CDH19: variants seen among roughly 807,000 people sequenced by gnomAD.
CDH19 encodes cadherin 19.
CDH19 carries 67 observed loss-of-function variants against 64.2 expected under a neutral mutation model. The observed-to-expected ratio is 1.04, with a 90% CI of 0.86 to 1.28. CDH19 has a LOEUF of 1.28. CDH19 is among the 50% of genes most tolerant of loss of function. The pLI, the probability that CDH19 is intolerant of heterozygous loss-of-function variation, is 0.00. For synonymous variants in CDH19, 346 were observed against 319.3 expected (o/e 1.08, Z -0.89); for missense variants, 1,030 against 929.0 (o/e 1.11, Z -1.41).
chr18:66,568,847 G>A, intron 2 of CDH19, 137 bp from the exon 3 acceptor site: 6 of 659,534 alleles, frequency 9.1e-6, no homozygotes, highest in Non-Finnish European at 1.5e-5. Context: ...ATTAAATGAG[G>A]CAAAATATTA....
At chr18:66,517,687 A>C (rs1203032469) in intron 9 of CDH19, among the ~76,000 whole-genome samples, 1 of 152,042 alleles carries the variant, frequency 6.6e-6, no homozygotes, top group Non-Finnish European at 1.5e-5. Flanking sequence ...ACATCCTTTT[A>C]CCTGCCATTT....
At chr18:66,511,724 A>T (rs1356130192) in intron 9 of CDH19, 39 bp from the exon 10 acceptor site, 4 of 931,460 alleles carry the variant, frequency 4.3e-6, no homozygotes, top group Non-Finnish European at 7.0e-6. Flanking sequence ...TGTTGTTTGG[A>T]TTCAGGAAGA....
chr18:66,526,261 A>G (rs1986216179), intron 9 of CDH19, among the ~76,000 whole-genome samples: 2 of 152,136 alleles, frequency 1.3e-5, no homozygotes, highest in South Asian at 2.1e-4. Flanking sequence ...CATAGTATAC[A>G]TATATGTACA....
intron 1 of CDH19, among the ~76,000 whole-genome samples, chr18:66,580,406 T>G (rs145401596): frequency 6.6e-6 from 1 of 152,208 alleles, no homozygotes; most frequent in East Asian, 1.9e-4. Context: ...AATAATTATA[T>G]AAGTGTTTCA....
In CDH19 at chr18:66,511,749, A is replaced by C. The variant is rs768564661; in HGVS notation, c.1459-64T>G. 9 of 769,680 alleles carry C rather than the reference A, an allele frequency of 1.2e-5. No individual in the cohort carries two copies. The East Asian group carries it at 2.3e-4, about 19-fold the overall frequency. 47.7% of individuals were successfully genotyped at this position (769,680 alleles called of 1,614,324 possible). A position where few individuals can be genotyped will look rare whatever the true frequency, so the allele number is the denominator to read the frequency against. On this transcript the variant is annotated intron_variant, in intron 9 of 11. Transcript: ENST00000262150. ...ATTCAGGAAGAAGATCACTGCTGCT[A>C]TTATTATTAGCTTTTATTCACATTG...
chr18:66,544,864 C>G lies in CDH19; in HGVS notation c.815G>C (p.Gly272Ala). The change falls in exon 6 of 12, where the codon GGG becomes GCG. Residue 272 changes from glycine (G) to alanine (A), a missense_variant. Gly to Ala is a moderately conservative substitution (Grantham distance 60, BLOSUM62 0). Coordinates refer to ENST00000262150, the MANE Select transcript of CDH19 (RefSeq NM_021153.4). ...RLTVSESAPT[G>A]TSIGTIMAYD... is the part of the protein sequence containing the mutation. ...TGCCATGATTGTTCCTATAGAAGTC[C>G]CAGTGGGTGCAGATTCAGAGACAGT... 6.2e-7 allele frequency: 1 copy of G among 1,611,072 alleles called. No individual in the cohort carries two copies. Among genetic ancestry groups the G allele is most frequent in the Non-Finnish European group, 8.5e-7 (1 of 1,178,656 alleles).
In CDH19 at chr18:66,504,922, CTAAGGAGCTCAGGGA is replaced by C; in HGVS notation, c.2194_2208del (p.Ser732_Leu736del). 2 of 1,613,468 alleles carry C rather than the reference CTAAGGAGCTCAGGGA, an allele frequency of 1.2e-6. No individual in the cohort carries two copies. The highest frequency in any genetic ancestry group is 1.7e-6 in the Non-Finnish European group (2 of 1,179,708). On this transcript the variant is annotated inframe_deletion, in exon 12 of 12. Coordinates refer to ENST00000262150, the MANE Select transcript of CDH19 (RefSeq NM_021153.4). The stretch of plus-strand genomic sequence containing the variant: ...TCATCCTGATCAGAGACTGCTGATT[CTAAGGAGCTCAGGGA>C]TCCAGCTAATGACCCTGTTCCCTCA...
At chr18:66,570,632 T>A (rs567474597) in intron 2 of CDH19, among the ~76,000 whole-genome samples, 57 of 151,848 alleles carry the variant, frequency 3.8e-4, no homozygotes, top group African/African-American at 1.3e-3. Flanking sequence ...ATTGTTCTTT[T>A]TGAAATCAGT....
intron 3 of CDH19, among the ~76,000 whole-genome samples, chr18:66,564,822 TTGCTTA>T: frequency 6.6e-6 from 1 of 151,840 alleles, no homozygotes; most frequent in African/African-American, 2.4e-5. Context: ...TTTGGTTTAA[TTGCTTA>T]TTAAGTAGTA....
chr18:66,573,740 A>G (rs748593556), intron 1 of CDH19, among the ~76,000 whole-genome samples: 21 of 151,626 alleles, frequency 1.4e-4, no homozygotes, highest in Non-Finnish European at 2.2e-4. Flanking sequence ...TTTGATACAT[A>G]TAAAGATAAA....
At position 66,503,687 on chromosome 18, in the gene CDH19, T is replaced by A. The variant is rs569720035; in HGVS notation, c.*1125A>T. 1 of 151,922 alleles carries A rather than the reference T, an allele frequency of 6.6e-6. No homozygotes were observed. 9.4% of individuals were successfully genotyped at this position (151,922 alleles called of 1,614,324 possible). On this transcript the variant is annotated 3_prime_UTR_variant, in exon 12 of 12. Transcript: ENST00000262150. ...TGAAAAAAAATCTATGACAAACACCTAAATATATTTTCCTTTTTAATACAA... is the reference window on the plus strand; with the variant it reads ...TGAAAAAAAATCTATGACAAACACCAAAATATATTTTCCTTTTTAATACAA...
At position 66,504,829 on chromosome 18, in the gene CDH19, C is replaced by A; in HGVS notation, c.2302G>T (p.Val768Leu). 6.2e-7 allele frequency: 1 copy of A among 1,603,256 alleles called. No individual in the cohort carries two copies. The highest frequency in any genetic ancestry group is 8.5e-7 in the Non-Finnish European group (1 of 1,171,400). Reference sequence around the variant, plus strand: ...AAAAAGCCCTAATTATTTGACTGCACTGCAGAACCAAACATGCATGCTAAT... The same window carrying A: ...AAAAAGCCCTAATTATTTGACTGCAATGCAGAACCAAACATGCATGCTAAT... ...KRLACMFGSA[V>L]QSNN The change falls in exon 12 of 12, where the codon GTG becomes TTG. Residue 768 changes from valine (V) to leucine (L), a missense_variant. Transcript: ENST00000262150.
intron 4 of CDH19, among the ~76,000 whole-genome samples, chr18:66,552,075 G>A (rs1201224070): frequency 1.3e-5 from 2 of 151,954 alleles, no homozygotes; most frequent in Non-Finnish European, 2.9e-5. Context: ...AGGAGGGAGT[G>A]GGGGAGATAG....
chr18:66,561,456 C>A (rs1047650520), intron 3 of CDH19, among the ~76,000 whole-genome samples: 8 of 152,028 alleles, frequency 5.3e-5, no homozygotes, highest in African/African-American at 1.4e-4. Context: ...AGCCTTAAGT[C>A]CTATTATTCC....
In CDH19 at chr18:66,583,600, G is replaced by T. The variant is rs77841685; in HGVS notation, c.-112-11284C>A. On this transcript the variant is annotated intron_variant, in intron 1 of 11. Transcript: ENST00000262150. ...AAGTGAAGACATGTGATATTTGGTT[G>T]CCTGTTCCTGAGTGAGTTTGCTAAG... Among the ~76,000 whole-genome samples the T allele has an allele frequency of 1.6e-3, 249 of 152,110 alleles. 1 individual carries two copies. The highest frequency in any genetic ancestry group is 5.7e-3 in the African/African-American group (235 of 41,538).
intron 2 of CDH19, 94 bp from the exon 3 acceptor site, chr18:66,568,804 C>A (rs1988006809): frequency 1.1e-5 from 11 of 969,536 alleles, no homozygotes; most frequent in East Asian, 2.6e-5. Context: ...AATTATTCCC[C>A]AAGTTAATGA....
intron 2 of CDH19, among the ~76,000 whole-genome samples, chr18:66,570,582 A>G (rs1384733792): frequency 1.3e-5 from 2 of 151,456 alleles, no homozygotes; most frequent in Non-Finnish European, 2.9e-5. Flanking sequence ...GCTAAATTGT[A>G]TATTTACTAA....
At chr18:66,524,474 ATGTAGG>A (rs1269317197) in intron 9 of CDH19, among the ~76,000 whole-genome samples, 5 of 149,744 alleles carry the variant, frequency 3.3e-5, no homozygotes, top group Admixed American at 6.7e-5. Context: ...AAAAACAAGT[ATGTAGG>A]TAATGCATAT....
intron 3 of CDH19, among the ~76,000 whole-genome samples, chr18:66,566,515 T>C (rs1987917526): frequency 6.6e-6 from 1 of 151,888 alleles, no homozygotes; most frequent in African/African-American, 2.4e-5. Context: ...CCTTTTAGAC[T>C]TGGCTTAAAT....
Sources: gnomAD v4.1 joint callset for allele counts (sites outside exome capture counted in the v4.1 genomes callset) on GRCh38, gnomAD v4.1.1 for gene constraint, MANE v1.5 for transcripts, NCBI Gene and HGNC (gene_info 2026-07-23, HGNC 2026-07-21) for gene names.